The following DMD variants were observed in gnomAD, a reference collection of about 807,000 sequenced individuals.
DMD encodes dystrophin.
Under a neutral mutation model 330.1 loss-of-function variants are expected in DMD, and 63 were observed. The observed-to-expected ratio is 0.19, with a 90% confidence interval of 0.16 to 0.24. The LOEUF is 0.24. Among genes scored for constraint, DMD ranks in the 10% least tolerant of loss-of-function variants. DMD has a pLI of 1.00. For synonymous variants in DMD, 1,223 were observed against 959.8 expected (o/e 1.27, Z -5.07); for missense variants, 3,344 against 2,684.1 (o/e 1.25, Z -5.43).
At position 32,449,414 on chromosome X, in the gene DMD, G is replaced by A. The variant is rs137909334; in HGVS notation, c.3604-776C>T. On this transcript the variant is annotated intron_variant, in intron 26 of 78. Coordinates refer to ENST00000357033, the MANE Select transcript of DMD (RefSeq NM_004006.3). The stretch of plus-strand genomic sequence containing the variant: ...CTCTCCTATCCTGGTTAATATGAAC[G>A]AACGCCGTTTCTTTATTAATTGCAA... Among the ~76,000 whole-genome samples the A allele has an allele frequency of 2.7e-4, 30 of 109,687 alleles. No homozygotes were observed. The East Asian group carries it at 5.8e-3, about 21-fold the overall frequency.
chrX:31,154,454 G>A lies in DMD; in HGVS notation c.10554-6936C>T, dbSNP rs763419478. On this transcript the variant is annotated intron_variant, in intron 74 of 78. Coordinates refer to ENST00000357033, the MANE Select transcript of DMD (RefSeq NM_004006.3). ...ACTACAGGTGCCCGCCACCACGCCCGGCTTTTTTTTTTTGTATTTTTAGTA... is the reference window on the plus strand; with the variant it reads ...ACTACAGGTGCCCGCCACCACGCCCAGCTTTTTTTTTTTGTATTTTTAGTA... Among the ~76,000 whole-genome samples, 7 of 104,821 alleles carry A rather than the reference G, an allele frequency of 6.7e-5. No individual in the cohort carries two copies. The East Asian group carries it at 1.9e-3, about 28-fold the overall frequency. 91.0% of individuals were successfully genotyped at this position (104,821 alleles called of 115,157 possible).
intron 47 of DMD, among the ~76,000 whole-genome samples, chrX:31,910,610 G>A (rs1201941556): frequency 8.9e-6 from 1 of 112,070 alleles, no homozygotes; most frequent in Non-Finnish European, 1.9e-5. Flanking sequence ...AACGAACGTT[G>A]TAAGTGAAAT....
chrX:32,342,017 GTCTC>G, intron 41 of DMD, 79 bp downstream of exon 41: 2 of 947,157 alleles, frequency 2.1e-6, no homozygotes, highest in South Asian at 4.5e-5. Flanking sequence ...CAGATTTTTT[GTCTC>G]TTTTTTTTTT....
intron 1 of DMD, among the ~76,000 whole-genome samples, chrX:33,106,009 T>C (rs768395984): frequency 1.7e-4 from 17 of 101,636 alleles, no homozygotes; most frequent in African/African-American, 5.4e-4. Context: ...CGCAAAGATA[T>C]AGAATCCACC....
At chrX:32,659,504 T>C (rs2060807999) in intron 9 of DMD, among the ~76,000 whole-genome samples, 1 of 110,635 alleles carries the variant, frequency 9.0e-6, no homozygotes, top group African/African-American at 3.3e-5. Flanking sequence ...AAGACAATTA[T>C]AAGGGTGTGA....
At chrX:32,739,209 G>C (rs1265918955) in intron 7 of DMD, among the ~76,000 whole-genome samples, 2 of 111,792 alleles carry the variant, frequency 1.8e-5, no homozygotes, top group Admixed American at 1.9e-4. Flanking sequence ...AAAGTGGCAA[G>C]GTTAGTTTTG....
intron 44 of DMD, among the ~76,000 whole-genome samples, chrX:32,092,170 G>A (rs2096479446): frequency 9.0e-6 from 1 of 111,624 alleles, no homozygotes; most frequent in Non-Finnish European, 1.9e-5. Context: ...GAGTTAGGTT[G>A]TGCATGATAA....
rs1602557141 is a variant in DMD, at chrX:33,003,625, A to T, written c.93+16514T>A. On this transcript the variant is annotated intron_variant, in intron 2 of 78. Coordinates refer to ENST00000357033, the MANE Select transcript of DMD (RefSeq NM_004006.3). ...TATTTTCTTTTTGTCCGTTTTTTTA[A>T]TTCAAATTATTGGTTTACTGACTTA... 6.3e-5 allele frequency among the ~76,000 whole-genome samples: 7 copies of T among 111,681 alleles called. No individual in the cohort carries two copies. The Admixed American group carries it at 6.7e-4, about 11-fold the overall frequency.
At chrX:31,616,069 C>T (rs1254886927) in intron 55 of DMD, among the ~76,000 whole-genome samples, 8 of 111,458 alleles carry the variant, frequency 7.2e-5, no homozygotes, top group East Asian at 2.8e-4. Flanking sequence ...TTCAGAAATG[C>T]GTCTATGGTC....
Position 33,217,480 on chromosome X carries a change from T to C in DMD, c.7+121779A>G, listed in dbSNP as rs780432242. 3.6e-5 allele frequency among the ~76,000 whole-genome samples: 4 copies of C among 111,920 alleles called. No individual in the cohort carries two copies. In the South Asian group the frequency reaches 1.5e-3, roughly 41 times the overall value. Reference sequence around the variant, plus strand: ...CCTTAGCTTTTTAGTTTGTAGTATATAGATCTGGTAAATGTTTTATTAGAT... The same window carrying C: ...CCTTAGCTTTTTAGTTTGTAGTATACAGATCTGGTAAATGTTTTATTAGAT... On this transcript the variant is annotated intron_variant, in intron 1 of 17. Coordinates refer to the DMD transcript ENST00000288447.
intron 7 of DMD, among the ~76,000 whole-genome samples, chrX:32,729,399 T>C (rs1185232318): frequency 2.7e-5 from 3 of 112,018 alleles, no homozygotes; most frequent in East Asian, 2.8e-4. Context: ...ACCATTAATG[T>C]AGCACTTCAG....
intron 25 of DMD, among the ~76,000 whole-genome samples, chrX:32,462,239 A>C (rs1291616791): frequency 9.0e-6 from 1 of 111,467 alleles, no homozygotes; most frequent in East Asian, 2.8e-4. Flanking sequence ...AATTTAATTT[A>C]TAAATTAGGC....
intron 11 of DMD, among the ~76,000 whole-genome samples, chrX:32,636,597 T>A (rs2059111478): frequency 8.9e-6 from 1 of 112,161 alleles, no homozygotes; most frequent in Non-Finnish European, 1.9e-5. Flanking sequence ...TTTTCAACTA[T>A]CCGAGGCAAC....
At chrX:31,419,816 T>A (rs1363409874) in intron 60 of DMD, among the ~76,000 whole-genome samples, 1 of 112,096 alleles carries the variant, frequency 8.9e-6, no homozygotes, top group African/African-American at 3.2e-5. Context: ...TCCAACATGT[T>A]CATTGGCATA....
intron 2 of DMD, among the ~76,000 whole-genome samples, chrX:32,961,445 T>G (rs2091893247): frequency 9.0e-6 from 1 of 111,189 alleles, no homozygotes; most frequent in Admixed American, 9.7e-5. Flanking sequence ...TTAAAAATTC[T>G]AATAAGGCAG....
chrX:31,451,094 TTTTG>T (rs1263206909), intron 59 of DMD, among the ~76,000 whole-genome samples: 17 of 107,259 alleles, frequency 1.6e-4, no homozygotes, highest in African/African-American at 6.0e-4. Context: ...AGCACTTATA[TTTTG>T]TTTTTTTTTT....
intron 1 of DMD, among the ~76,000 whole-genome samples, chrX:33,293,404 T>C (rs1274251264): frequency 9.0e-6 from 1 of 111,621 alleles, no homozygotes; most frequent in Non-Finnish European, 1.9e-5. Flanking sequence ...CAATTTATAT[T>C]ATTAGTTTGT....
chrX:32,578,427 C>A (rs747347614), intron 13 of DMD, among the ~76,000 whole-genome samples: 22 of 112,148 alleles, frequency 2.0e-4, no homozygotes, highest in African/African-American at 5.2e-4. Flanking sequence ...CTCACTTCGT[C>A]TAACATTTTC....
chrX:33,259,093 G>C (rs1277790421), intron 1 of DMD, among the ~76,000 whole-genome samples: 1 of 111,105 alleles, frequency 9.0e-6, no homozygotes, highest in Non-Finnish European at 1.9e-5. Context: ...TGAGCATATG[G>C]CGCTTTACTG....
Sources: allele counts gnomAD v4.1 joint callset (sites outside exome capture counted in the v4.1 genomes callset), GRCh38; gene constraint gnomAD v4.1.1; transcripts MANE v1.5; gene names NCBI Gene and HGNC (gene_info 2026-07-23, HGNC 2026-07-21).